Variants in ROBO1 observed in about 807,000 individuals in gnomAD.
The protein encoded by ROBO1 is roundabout guidance receptor 1.
In ROBO1, 149 loss-of-function variants were observed where a neutral mutation model predicts 195.9. That is an observed-to-expected ratio of 0.76 (90% CI 0.67 to 0.87). The LOEUF (loss-of-function observed/expected upper bound fraction) is 0.87, where lower values mean the gene tolerates loss of function less well. Ranked by LOEUF, ROBO1 falls within the 40% of genes least tolerant of loss-of-function variation. ROBO1 has a pLI of 0.00. For missense variants in ROBO1, 1,933 were observed against 2,068.3 expected, an observed-to-expected ratio of 0.93 and a Z score of 1.27; for synonymous variants, 816 against 733.2, an observed-to-expected ratio of 1.11 and a Z score of -1.82.
intron 3 of ROBO1, among the ~76,000 whole-genome samples, chr3:79,114,103 C>T (rs2079945830): frequency 6.6e-6 from 1 of 152,142 alleles, no homozygotes; most frequent in African/African-American, 2.4e-5. Flanking sequence ...TCATGTAAGA[C>T]TTGCCTTGCC....
At chr3:79,499,981 A>AT (rs1449023337) in intron 2 of ROBO1, among the ~76,000 whole-genome samples, 5 of 151,088 alleles carry the variant, frequency 3.3e-5, no homozygotes, top group South Asian at 2.1e-4. Context: ...TAATTTTTGT[A>AT]TTTTTTACTA....
chr3:79,558,853 G>GT (rs1489739436), intron 2 of ROBO1, among the ~76,000 whole-genome samples: 7 of 152,156 alleles, frequency 4.6e-5, no homozygotes, highest in African/African-American at 7.2e-5. Flanking sequence ...ATAAATAGCT[G>GT]TTTTTTATTT....
intron 2 of ROBO1, among the ~76,000 whole-genome samples, chr3:79,155,892 T>G (rs910356614): frequency 3.3e-5 from 5 of 151,742 alleles, no homozygotes; most frequent in African/African-American, 4.8e-5. Context: ...ACTCCAACAT[T>G]CTTACTACAA....
At chr3:79,435,621 A>T (rs1478440573) in intron 2 of ROBO1, among the ~76,000 whole-genome samples, 1 of 152,174 alleles carries the variant, frequency 6.6e-6, no homozygotes, top group African/African-American at 2.4e-5. Flanking sequence ...CATTACTGAG[A>T]TTCCTGTAGG....
chr3:79,120,584 G>A (rs1308057027), intron 3 of ROBO1, among the ~76,000 whole-genome samples: 1 of 152,078 alleles, frequency 6.6e-6, no homozygotes, highest in African/African-American at 2.4e-5. Flanking sequence ...AGATCCAACA[G>A]AAAAGAGTGA....
At chr3:79,681,207 A>G (rs1946936991) in intron 1 of ROBO1, among the ~76,000 whole-genome samples, 2 of 152,016 alleles carry the variant, frequency 1.3e-5, no homozygotes, top group African/African-American at 4.8e-5. Context: ...AAAACATGTG[A>G]TTCAAAGATT....
At position 79,335,304 on chromosome 3, in the gene ROBO1, G is replaced by T. The variant is rs573084079; in HGVS notation, c.89-209765C>A. Among the ~76,000 whole-genome samples the T allele has an allele frequency of 4.5e-4, 69 of 152,246 alleles. No individual in the cohort carries two copies. The South Asian group carries it at 6.0e-3, about 13-fold the overall frequency. On this transcript the variant is annotated intron_variant, in intron 2 of 30. Transcript: ENST00000464233. ...TATATTCAAGAAATTTGTACAGGGA[G>T]TGACAATCTCATATTGATAAATAAA...
In ROBO1 at chr3:79,343,190, C is replaced by T. The variant is rs999067030; in HGVS notation, c.89-217651G>A. On this transcript the variant is annotated intron_variant, in intron 2 of 30. Coordinates refer to ENST00000464233, the MANE Select transcript of ROBO1 (RefSeq NM_002941.4). ...TTCACAACTCATTTATTTTCAGCAT[C>T]GAATAATATTCTATTGTCTGGATTT... Among the ~76,000 whole-genome samples, 7 of 152,186 alleles carry T rather than the reference C, an allele frequency of 4.6e-5. No individual in the cohort carries two copies. The East Asian group carries it at 1.4e-3, about 29-fold the overall frequency.
chr3:78,811,586 C>A (rs1322724832), intron 4 of ROBO1, among the ~76,000 whole-genome samples: 2 of 152,066 alleles, frequency 1.3e-5, no homozygotes, highest in Non-Finnish European at 2.9e-5. Flanking sequence ...TGATGAGCAC[C>A]TTTATGATCT....
chr3:79,561,860 T>C (rs1942932635), intron 2 of ROBO1, among the ~76,000 whole-genome samples: 1 of 152,142 alleles, frequency 6.6e-6, no homozygotes, highest in African/African-American at 2.4e-5. Flanking sequence ...TCTACATGTC[T>C]ATTAGACATA....
In ROBO1 at chr3:78,720,420, C is replaced by T. The variant is rs376138180; in HGVS notation, c.658-2537G>A. Among the ~76,000 whole-genome samples, 273 of 152,182 alleles carry T rather than the reference C, an allele frequency of 1.8e-3. 1 individual carries two copies. Among genetic ancestry groups the T allele is most frequent in the African/African-American group, 6.0e-3 (251 of 41,518 alleles). On this transcript the variant is annotated intron_variant, in intron 5 of 30. Coordinates refer to ENST00000464233, the MANE Select transcript of ROBO1 (RefSeq NM_002941.4). ...TACCATCTCACACCAGTTAGAATGG[C>T]GATCATTAAAAAGTCAGGAAACAAC...
At chr3:79,533,410 T>G (rs1941735843) in intron 2 of ROBO1, among the ~76,000 whole-genome samples, 1 of 152,172 alleles carries the variant, frequency 6.6e-6, no homozygotes. Context: ...TTTTCTTTCT[T>G]TAAGTATGTT....
chr3:78,766,615 C>T (rs2083234245), intron 4 of ROBO1, among the ~76,000 whole-genome samples: 2 of 152,114 alleles, frequency 1.3e-5, no homozygotes, highest in African/African-American at 4.8e-5. Context: ...TTATTTCTTT[C>T]TCTTGACTGA....
intron 2 of ROBO1, among the ~76,000 whole-genome samples, chr3:79,374,300 C>T (rs1050192848): frequency 6.6e-6 from 1 of 151,906 alleles, no homozygotes; most frequent in Non-Finnish European, 1.5e-5. Flanking sequence ...TTCACAGACA[C>T]CTGGATAGAA....
intron 2 of ROBO1, among the ~76,000 whole-genome samples, chr3:79,230,991 T>C (rs980331280): frequency 6.6e-6 from 1 of 152,206 alleles, no homozygotes; most frequent in Middle Eastern, 3.4e-3. Context: ...TTTCAATAAA[T>C]GGTGCTGGGA....
intron 2 of ROBO1, among the ~76,000 whole-genome samples, chr3:79,469,761 C>G (rs1938163267): frequency 6.6e-6 from 1 of 152,092 alleles, no homozygotes; most frequent in Non-Finnish European, 1.5e-5. Context: ...TTTGGCAAAT[C>G]TACTTCATTT....
intron 17 of ROBO1, among the ~76,000 whole-genome samples, chr3:78,658,892 A>T (rs1707207268): frequency 6.6e-6 from 1 of 152,208 alleles, no homozygotes; most frequent in African/African-American, 2.4e-5. Flanking sequence ...ATTTTGTACC[A>T]GTCAATCAGG....
intron 2 of ROBO1, among the ~76,000 whole-genome samples, chr3:79,422,411 G>A (rs1575805043): frequency 6.6e-6 from 1 of 151,818 alleles, no homozygotes; most frequent in African/African-American, 2.4e-5. Flanking sequence ...CACCTTCTGC[G>A]AATGCTGTTA....
At chr3:78,982,377 G>A (rs147636845) in intron 3 of ROBO1, among the ~76,000 whole-genome samples, 9 of 152,070 alleles carry the variant, frequency 5.9e-5, no homozygotes, top group African/African-American at 2.2e-4. Context: ...GTTAATTACA[G>A]TGAAGCTTCA....
Sources: allele counts gnomAD v4.1 joint callset (sites outside exome capture counted in the v4.1 genomes callset), GRCh38; gene constraint gnomAD v4.1.1; transcripts MANE v1.5; gene names NCBI Gene and HGNC (gene_info 2026-07-23, HGNC 2026-07-21).